The following YTHDF1 variants were observed in gnomAD, a reference collection of about 807,000 sequenced individuals.
The protein encoded by YTHDF1 is YTH N6-methyladenosine RNA binding protein F1.
In YTHDF1, 16 loss-of-function variants were observed where a neutral mutation model predicts 49.1. That is an observed-to-expected ratio of 0.33 (90% confidence interval 0.22 to 0.49). The LOEUF is 0.49. Among genes scored for constraint, YTHDF1 ranks in the 20% least tolerant of loss-of-function variants. YTHDF1 has a pLI of 0.99. For synonymous variants in YTHDF1, 313 were observed against 290.1 expected (o/e 1.08, Z -0.80); for missense variants, 621 against 744.3 (o/e 0.83, Z 1.93).
In YTHDF1 at chr20:63,213,865, T is replaced by C. The variant is rs1468928890; in HGVS notation, c.131A>G (p.Gln44Arg). 6 of 1,600,684 alleles carry C rather than the reference T, an allele frequency of 3.7e-6. No individual in the cohort carries two copies. Among genetic ancestry groups the C allele is most frequent in the Non-Finnish European group, 5.1e-6 (6 of 1,176,498 alleles). ...FEPYLTGQSN[Q>R]SNSYPSMSDP... ...TATATGCTAACAAAATAAACTCACCTGATTTGACTGTCCAGTAAGGTAGGG... is the reference window on the plus strand; with the variant it reads ...TATATGCTAACAAAATAAACTCACCCGATTTGACTGTCCAGTAAGGTAGGG... Residue 44 changes from glutamine (Q) to arginine (R), a missense_variant and splice_region_variant, in exon 3 of 5, where the codon CAG becomes CGG. Physicochemically the swap from Gln to Arg is conservative, Grantham distance 43. Around this residue, in one of 2 missense-constraint regions of YTHDF1, gnomAD observed 470 missense variants for 495.8 expected, o/e 0.95. Transcript: ENST00000370339.
rs1226957323 is a variant in YTHDF1 at position 63,202,948 on chromosome 20, G to A, written c.992C>T (p.Pro331Leu). 3.1e-6 allele frequency: 5 copies of A among 1,613,910 alleles called. No homozygotes were observed. Among genetic ancestry groups the A allele is most frequent in the Non-Finnish European group, 4.2e-6 (5 of 1,180,050 alleles). ...CCCAAACGCCGCGTTTCTGTTGCGT[G>A]GGGCAACCCAGCGGGTCTGGGGTGG... Reference protein sequence around the residue: ...QQPPQTRWVAPRNRNAAFGQS... With the variant: ...QQPPQTRWVALRNRNAAFGQS... Residue 331 changes from proline (P) to leucine (L), a missense_variant, in exon 4 of 5, where the codon CCA (proline) becomes CTA (leucine). Around this residue, in one of 2 missense-constraint regions of YTHDF1, gnomAD observed 470 missense variants for 495.8 expected, o/e 0.95. Transcript: ENST00000370339.
At position 63,203,925 on chromosome 20, in the gene YTHDF1, A is replaced by T; in HGVS notation, c.133-118T>A. The T allele has an allele frequency of 1.1e-6, 1 of 921,742 alleles. No individual in the cohort carries two copies. The highest frequency in any genetic ancestry group is 1.6e-6 in the Non-Finnish European group (1 of 632,022). The allele number at this position is 921,742 out of a possible 1,614,324, so 57.1% of individuals were successfully genotyped here. ...AACAAAACCTGCACAGCATGGGGCT[A>T]CTCCTTCCAGAAAGAAAGCTGTAGT... On this transcript the variant is annotated intron_variant, in intron 3 of 4. Transcript: ENST00000370339. This position sits in a 1 kb window ranked among gnomAD's most constrained non-coding sequence, Gnocchi z 4.4.
At chr20:63,199,981 G>A (rs910461115) in intron 4 of YTHDF1, among the ~76,000 whole-genome samples, 1 of 152,150 alleles carries the variant, frequency 6.6e-6, no homozygotes, top group Non-Finnish European at 1.5e-5. Flanking sequence ...TTGAGCCCAG[G>A]AGGTCAAGGC....
At chr20:63,199,420 G>C (rs1333956958) in intron 4 of YTHDF1, among the ~76,000 whole-genome samples, 2 of 151,954 alleles carry the variant, frequency 1.3e-5, no homozygotes, top group Non-Finnish European at 2.9e-5. Flanking sequence ...CCGGGAGGCT[G>C]AGGCAGGAGA....
chr20:63,202,144 C>CGTATG, intron 4 of YTHDF1, 143 bp downstream of exon 4: 1 of 1,137,650 alleles, frequency 8.8e-7, no homozygotes, highest in Non-Finnish European at 1.2e-6. Flanking sequence ...CCTGGGCCCG[C>CGTATG]CCACCTGCGG....
intron 3 of YTHDF1, among the ~76,000 whole-genome samples, chr20:63,211,918 C>T (rs971512558): frequency 6.6e-6 from 1 of 151,200 alleles, no homozygotes; most frequent in African/African-American, 2.4e-5. Flanking sequence ...AATCATGCCC[C>T]TGAACTCTAG....
In YTHDF1 at chr20:63,203,512, T is replaced by G; in HGVS notation, c.428A>C (p.Gln143Pro). ...GTAGCTGCTCCCATACGCGGAGCTC[T>G]GGGTCTGCTGACCTTGAGACCCACT... ...GTSGSQGQQT[Q>P]SSAYGSSYTY... Residue 143 changes from glutamine (Q) to proline (P), a missense_variant, in exon 4 of 5, where the codon CAG (glutamine) becomes CCG (proline). By Grantham distance (76) the Gln-to-Pro change is moderately conservative (BLOSUM62 -1). This residue lies in a region of YTHDF1 where 470 missense variants were observed against 495.8 expected (regional missense o/e 0.95). Coordinates refer to ENST00000370339, the MANE Select transcript of YTHDF1 (RefSeq NM_017798.4). The surrounding 1 kb of genome is among the most constrained non-coding windows in gnomAD (Gnocchi z 4.4). 6.2e-7 allele frequency: 1 copy of G among 1,613,952 alleles called. No homozygotes were observed. The highest frequency in any genetic ancestry group is 8.5e-7 in the Non-Finnish European group (1 of 1,180,026).
intron 4 of YTHDF1, among the ~76,000 whole-genome samples, chr20:63,197,659 G>A (rs973620856): frequency 3.9e-5 from 6 of 152,076 alleles, no homozygotes; most frequent in Non-Finnish European, 7.4e-5. Flanking sequence ...CGAGAGGATC[G>A]CTTGAGCCCA....
At chr20:63,210,090 T>G (rs572685639) in intron 3 of YTHDF1, among the ~76,000 whole-genome samples, 5 of 152,268 alleles carry the variant, frequency 3.3e-5, no homozygotes, top group African/African-American at 1.2e-4. Context: ...TCACACCTAC[T>G]GCAGCACCAC....
In YTHDF1 at chr20:63,213,886, T is replaced by C. The variant is rs757161730; in HGVS notation, c.110A>G (p.Tyr37Cys). Residue 37 changes from tyrosine (Y) to cysteine (C), a missense_variant, in exon 3 of 5, where the codon TAC becomes TGC. Coordinates refer to ENST00000370339, the MANE Select transcript of YTHDF1 (RefSeq NM_017798.4). The part of the protein sequence containing the change: ...DTVHDNDFEP[Y>C]LTGQSNQSNS... ...CACCTGATTTGACTGTCCAGTAAGGTAGGGCTCAAAGTCATTGTCATGAAC... is the reference window on the plus strand; with the variant it reads ...CACCTGATTTGACTGTCCAGTAAGGCAGGGCTCAAAGTCATTGTCATGAAC... The C allele has an allele frequency of 2.5e-6, 4 of 1,594,172 alleles. No individual in the cohort carries two copies. The highest frequency in any genetic ancestry group is 2.6e-6 in the Non-Finnish European group (3 of 1,174,962).
At chr20:63,207,438 C>G (rs1440646394) in intron 3 of YTHDF1, among the ~76,000 whole-genome samples, 1 of 151,982 alleles carries the variant, frequency 6.6e-6, no homozygotes, top group Non-Finnish European at 1.5e-5. Flanking sequence ...CACTGCACTC[C>G]AGCCTGGGTG....
chr20:63,205,326 G>A (rs2066540700), intron 3 of YTHDF1, among the ~76,000 whole-genome samples: 1 of 152,232 alleles, frequency 6.6e-6, no homozygotes, highest in South Asian at 2.1e-4. Flanking sequence ...GTGACCACAA[G>A]CAGCTCTCCC....
Position 63,198,021 on chromosome 20 carries a change from C to T in YTHDF1, c.1654-1287G>A, listed in dbSNP as rs1346746093. ...GGCTCCAGAGTATTTGGATTAAGGA[C>T]CTGGATAGGCAGGTCCTACTCTTAA... On this transcript the variant is annotated intron_variant, in intron 4 of 4. Transcript: ENST00000370339. Among the ~76,000 whole-genome samples, 5 of 152,212 alleles carry T rather than the reference C, an allele frequency of 3.3e-5. No homozygotes were observed. The East Asian group carries it at 9.6e-4, about 29-fold the overall frequency.
At chr20:63,198,665 G>A (rs1342832295) in intron 4 of YTHDF1, among the ~76,000 whole-genome samples, 6 of 151,538 alleles carry the variant, frequency 4.0e-5, no homozygotes, top group Admixed American at 3.9e-4. Flanking sequence ...AGCACAGCTC[G>A]TTCTTTTGAG....
chr20:63,203,503 G>A lies in YTHDF1; in HGVS notation c.437C>T (p.Ala146Val), dbSNP rs141487890. 9,354 of 1,613,778 alleles carry A rather than the reference G, an allele frequency of 5.8e-3. 42 individuals carry two copies. The highest frequency in any genetic ancestry group is 7.0e-3 in the Non-Finnish European group (8,232 of 1,180,022). ...GSQGQQTQSS[A>V]YGSSYTYPPS... is the part of the protein sequence containing the mutation. ...GGGGTAGGTGTAGCTGCTCCCATAC[G>A]CGGAGCTCTGGGTCTGCTGACCTTG... The change falls in exon 4 of 5, where the codon GCG becomes GTG. Residue 146 changes from alanine (A) to valine (V), a missense_variant. Transcript: ENST00000370339. The surrounding 1 kb of genome is among the most constrained non-coding windows in gnomAD (Gnocchi z 4.4).
chr20:63,207,724 T>C (rs2066554400), intron 3 of YTHDF1, among the ~76,000 whole-genome samples: 1 of 151,816 alleles, frequency 6.6e-6, no homozygotes, highest in African/African-American at 2.4e-5. Flanking sequence ...AACACATTTT[T>C]AGCCGGGCAC....
In YTHDF1 at chr20:63,203,781, G is replaced by A. The variant is rs752201641; in HGVS notation, c.159C>T (p.Asp53=). ...NQSNSYPSMS[D]PYLSSYYPPS... ...GCGGGTAATAGCTGGACAGGTAGGG[G>A]TCGCTCATTGAGGGGTAACTGTTAC... is the stretch of plus-strand genomic sequence containing the variant. The change falls in exon 4 of 5, where the codon GAC becomes GAT. Residue 53 remains aspartate (D), a synonymous_variant. Transcript: ENST00000370339. The surrounding 1 kb of genome is among the most constrained non-coding windows in gnomAD (Gnocchi z 4.4). 1.2e-6 allele frequency: 2 copies of A among 1,608,356 alleles called. No homozygotes were observed. The highest frequency in any genetic ancestry group is 2.2e-5 in the East Asian group (1 of 44,694).
At chr20:63,210,255 G>A (rs1223508514) in intron 3 of YTHDF1, among the ~76,000 whole-genome samples, 1 of 152,196 alleles carries the variant, frequency 6.6e-6, no homozygotes, top group African/African-American at 2.4e-5. Flanking sequence ...GGCATGCCCA[G>A]ATGGCCTTGG....
chr20:63,210,658 C>T (rs541422823), intron 3 of YTHDF1, among the ~76,000 whole-genome samples: 100 of 152,034 alleles, frequency 6.6e-4, no homozygotes, highest in Non-Finnish European at 1.2e-3. Flanking sequence ...CGTGGTGGCG[C>T]GTGCCTGTAA....
Sources: gnomAD v4.1 joint callset for allele counts (sites outside exome capture counted in the v4.1 genomes callset) on GRCh38, gnomAD v4.1.1 for gene constraint, gnomAD v4.1.1 regional missense constraint, Gnocchi (gnomAD v3.1) non-coding constraint, MANE v1.5 for transcripts, NCBI Gene and HGNC (gene_info 2026-07-23, HGNC 2026-07-21) for gene names.